The following WDFY3 variants were observed in gnomAD, a reference collection of about 807,000 sequenced individuals.
The protein encoded by WDFY3 is WD repeat and FYVE domain-containing protein 3.
In WDFY3, 66 loss-of-function variants were observed where a neutral mutation model predicts 409.6. That is an observed-to-expected ratio of 0.16 (90% CI 0.13 to 0.20). The LOEUF is 0.20. Among genes scored for constraint, WDFY3 ranks in the 10% least tolerant of loss-of-function variants. WDFY3 has a pLI of 1.00. For synonymous variants in WDFY3, 1,521 were observed against 1,537.1 expected (o/e 0.99, Z 0.25); for missense variants, 3,031 against 4,298.1 (o/e 0.71, Z 8.24).
intron 2 of WDFY3, among the ~76,000 whole-genome samples, chr4:84,909,156 G>A (rs1439461027): frequency 6.6e-6 from 1 of 152,000 alleles, no homozygotes; most frequent in Non-Finnish European, 1.5e-5. Flanking sequence ...TAACTTTTTA[G>A]AACTGTGAGA....
intron 10 of WDFY3, among the ~76,000 whole-genome samples, chr4:84,824,601 G>GGACT (rs1305478417): frequency 6.6e-6 from 1 of 152,134 alleles, no homozygotes; most frequent in Non-Finnish European, 1.5e-5. Context: ...AAGGTGGGGA[G>GGACT]GACTGACTGC....
chr4:84,899,441 G>C (rs1310002754), intron 2 of WDFY3, among the ~76,000 whole-genome samples: 1 of 152,002 alleles, frequency 6.6e-6, no homozygotes, highest in Admixed American at 6.6e-5. Context: ...TAAACTAAAC[G>C]TTTGGCATTT....
chr4:84,929,471 C>T (rs185482034), intron 2 of WDFY3, among the ~76,000 whole-genome samples: 5 of 140,582 alleles, frequency 3.6e-5, no homozygotes, highest in African/African-American at 7.9e-5. Context: ...TGAATTGCGC[C>T]CCCCCCCCCA....
At chr4:84,729,338 A>G (rs1211649990) in intron 44 of WDFY3, among the ~76,000 whole-genome samples, 1 of 151,932 alleles carries the variant, frequency 6.6e-6, no homozygotes, top group Non-Finnish European at 1.5e-5. Context: ...TACACTATCT[A>G]TAATATTTGT....
intron 2 of WDFY3, among the ~76,000 whole-genome samples, chr4:84,923,194 C>T (rs1769509157): frequency 1.3e-5 from 2 of 152,142 alleles, no homozygotes; most frequent in Non-Finnish European, 2.9e-5. Flanking sequence ...TCATTCTGAC[C>T]ATGCTGTTTC....
At chr4:84,736,920 A>G (rs532453826) in intron 41 of WDFY3, among the ~76,000 whole-genome samples, 1 of 152,058 alleles carries the variant, frequency 6.6e-6, no homozygotes, top group East Asian at 1.9e-4. Context: ...CAAGACAGTG[A>G]CAATACTAGA....
intron 51 of WDFY3, among the ~76,000 whole-genome samples, chr4:84,710,380 G>T (rs1448006509): frequency 6.6e-6 from 1 of 151,862 alleles, no homozygotes; most frequent in East Asian, 1.9e-4. Flanking sequence ...ACTTTTTTGG[G>T]GACAGCAGAC....
rs149159490 is a variant in WDFY3, at chr4:84,721,630, G to C, written c.7442-58C>G. 8.8e-3 allele frequency: 13,990 copies of C among 1,581,854 alleles called. 69 individuals are homozygous for C. Among genetic ancestry groups the C allele is most frequent in the Middle Eastern group, 0.017 (102 of 5,872 alleles). ...ATTGTAAGGACCTTGTGGGGAAGCAGTTTAGTCTCATGTAGTTCCTTCTAT... is the reference window on the plus strand; with the variant it reads ...ATTGTAAGGACCTTGTGGGGAAGCACTTTAGTCTCATGTAGTTCCTTCTAT... On this transcript the variant is annotated intron_variant, in intron 46 of 67. Transcript: ENST00000295888.
At chr4:84,739,739 C>T (rs1329654355) in intron 39 of WDFY3, among the ~76,000 whole-genome samples, 1 of 152,176 alleles carries the variant, frequency 6.6e-6, no homozygotes, top group Non-Finnish European at 1.5e-5. Context: ...AGAAGGCTGC[C>T]ACAGGGTCTA....
At chr4:84,833,747 C>A (rs1350002697) in intron 7 of WDFY3, among the ~76,000 whole-genome samples, 5 of 147,860 alleles carry the variant, frequency 3.4e-5, no homozygotes, top group Admixed American at 1.4e-4. Context: ...AGAAGAGAAG[C>A]GAAGCTCAAT....
At chr4:84,837,823 TC>T (rs1394172315) in intron 6 of WDFY3, among the ~76,000 whole-genome samples, 10 of 152,308 alleles carry the variant, frequency 6.6e-5, no homozygotes, top group African/African-American at 2.4e-4. Context: ...TAGTTTACTT[TC>T]TCAGAAAACA....
In WDFY3 at chr4:84,757,075, G is replaced by T; in HGVS notation, c.5275C>A (p.Leu1759Ile). Residue 1759 changes from leucine (L) to isoleucine (I), a missense_variant, in exon 33 of 68, where the codon CTT becomes ATT. This residue lies in a region of WDFY3 where 342 missense variants were observed against 463.7 expected (regional missense o/e 0.74). Coordinates refer to ENST00000295888, the MANE Select transcript of WDFY3 (RefSeq NM_014991.6). ...GTGTGTTTAGGAAGGAATGACTGAA[G>T]GACTGGAAAACCAGGAAAATGACAA... Reference protein sequence around the residue: ...DACHFPGFPVLQSFLPKHTNV... With the variant: ...DACHFPGFPVIQSFLPKHTNV... The T allele has an allele frequency of 6.2e-7, 1 of 1,614,056 alleles. No individual in the cohort carries two copies. The highest frequency in any genetic ancestry group is 8.5e-7 in the Non-Finnish European group (1 of 1,179,968).
chr4:84,829,661 G>A (rs868014820), intron 8 of WDFY3, among the ~76,000 whole-genome samples: 2 of 151,798 alleles, frequency 1.3e-5, no homozygotes, highest in South Asian at 2.1e-4. Flanking sequence ...ACAAAAATTA[G>A]CTGGGTATGG....
intron 1 of WDFY3, among the ~76,000 whole-genome samples, chr4:84,950,418 A>G (rs1034958961): frequency 1.3e-5 from 2 of 151,050 alleles, no homozygotes; most frequent in South Asian, 4.2e-4. Context: ...AGTTTAATAA[A>G]AAAAAAAAAA....
intron 33 of WDFY3, 139 bp downstream of exon 33, chr4:84,756,787 G>T: frequency 9.4e-7 from 1 of 1,068,570 alleles, no homozygotes; most frequent in Non-Finnish European, 1.3e-6. Flanking sequence ...GGTATTTTCA[G>T]ATTTTTCTGT....
At chr4:84,779,479 C>A (rs1370111551) in intron 26 of WDFY3, among the ~76,000 whole-genome samples, 2 of 151,134 alleles carry the variant, frequency 1.3e-5, no homozygotes. Context: ...ATGGCGCAAT[C>A]TCGGCTTACT....
intron 2 of WDFY3, among the ~76,000 whole-genome samples, chr4:84,922,559 G>A (rs1579140212): frequency 6.6e-6 from 1 of 152,128 alleles, no homozygotes; most frequent in Non-Finnish European, 1.5e-5. Flanking sequence ...TCTTTTGTTG[G>A]ATTTCTATAG....
At chr4:84,776,054 G>T (rs1487934906) in intron 27 of WDFY3, among the ~76,000 whole-genome samples, 1 of 151,928 alleles carries the variant, frequency 6.6e-6, no homozygotes, top group Non-Finnish European at 1.5e-5. Context: ...TAGTCAAACA[G>T]AAAATAATTG....
At chr4:84,956,832 C>T (rs1229968740) in intron 1 of WDFY3, among the ~76,000 whole-genome samples, 4 of 152,172 alleles carry the variant, frequency 2.6e-5, no homozygotes, top group Non-Finnish European at 4.4e-5. Context: ...CACCTCCAAG[C>T]CTTGAGCTTG....
Sources: gnomAD v4.1 joint callset for allele counts (sites outside exome capture counted in the v4.1 genomes callset) on GRCh38, gnomAD v4.1.1 for gene constraint, gnomAD v4.1.1 regional missense constraint, MANE v1.5 for transcripts, NCBI Gene and HGNC (gene_info 2026-07-23, HGNC 2026-07-21) for gene names.